GRIK2: variants seen among roughly 807,000 people sequenced by gnomAD.
The protein encoded by GRIK2 is glutamate receptor ionotropic, kainate 2.
A neutral mutation model predicts 100.3 loss-of-function variants in GRIK2; 32 were observed. The ratio of observed to expected loss-of-function variants is 0.32; its 90% CI spans 0.24 to 0.43. The LOEUF (loss-of-function observed/expected upper bound fraction) is 0.43. Among genes scored for constraint, GRIK2 ranks in the 20% least tolerant of loss-of-function variants. GRIK2 has a pLI of 1.00. For synonymous variants in GRIK2, 417 were observed against 389.4 expected, an observed-to-expected ratio of 1.07 and a Z score of -0.83; for missense variants, 843 against 1,114.9, an observed-to-expected ratio of 0.76 and a Z score of 3.47.
intron 14 of GRIK2, among the ~76,000 whole-genome samples, chr6:102,020,916 T>C (rs112232117): frequency 7.2e-5 from 11 of 151,880 alleles, no homozygotes; most frequent in African/African-American, 2.6e-4. Context: ...AAATTTAAAA[T>C]AAAGTGACTA....
chr6:101,982,263 T>C (rs940989141), intron 14 of GRIK2, among the ~76,000 whole-genome samples: 9 of 151,938 alleles, frequency 5.9e-5, no homozygotes, highest in African/African-American at 2.2e-4. Context: ...GTAATTTTCA[T>C]GTCTGTCTCC....
intron 2 of GRIK2, among the ~76,000 whole-genome samples, chr6:101,494,701 T>A (rs886946603): frequency 1.3e-5 from 2 of 150,138 alleles, no homozygotes; most frequent in Non-Finnish European, 3.0e-5. Flanking sequence ...GAGGCCAAGG[T>A]GAGCAGATCG....
chr6:102,006,390 A>ATATATATATAT (rs1315524835), intron 14 of GRIK2, among the ~76,000 whole-genome samples: 16 of 114,102 alleles, frequency 1.4e-4, no homozygotes, highest in African/African-American at 5.9e-4. Flanking sequence ...ATATATATAT[A>ATATATATATAT]TTTTTTTTTT....
chr6:101,723,034 T>C (rs1318902524), intron 7 of GRIK2, among the ~76,000 whole-genome samples: 1 of 152,050 alleles, frequency 6.6e-6, no homozygotes, highest in Non-Finnish European at 1.5e-5. Flanking sequence ...AAAGTTGTGC[T>C]TAGTCATGCC....
chr6:101,633,742 C>T (rs1327549800), intron 4 of GRIK2, among the ~76,000 whole-genome samples: 1 of 152,082 alleles, frequency 6.6e-6, no homozygotes, highest in Non-Finnish European at 1.5e-5. Flanking sequence ...TCTACAAATA[C>T]ACATACACAT....
chr6:101,486,371 G>T (rs1772826917), intron 2 of GRIK2, among the ~76,000 whole-genome samples: 1 of 127,776 alleles, frequency 7.8e-6, no homozygotes, highest in Admixed American at 8.0e-5. Flanking sequence ...CAGCAGGTAA[G>T]GTTGCATGAG....
chr6:101,808,074 T>C (rs1583189300), intron 9 of GRIK2, among the ~76,000 whole-genome samples: 2 of 152,196 alleles, frequency 1.3e-5, no homozygotes, highest in East Asian at 1.9e-4. Flanking sequence ...TTATCCTTAT[T>C]GTTCCATCAC....
chr6:101,693,883 T>A (rs1211978132), intron 7 of GRIK2, among the ~76,000 whole-genome samples: 2 of 151,968 alleles, frequency 1.3e-5, no homozygotes, highest in African/African-American at 4.8e-5. Context: ...TATTTTGGGG[T>A]GGCATATCCT....
At chr6:101,406,219 A>ATT (rs145136925) in intron 2 of GRIK2, among the ~76,000 whole-genome samples, 1,581 of 150,552 alleles carry the variant, frequency 0.011, 34 homozygotes, top group African/African-American at 0.037. Flanking sequence ...TTTCTGCAGG[A>ATT]TTTTTTTTTT....
At chr6:101,506,349 C>T (rs1774026534) in intron 2 of GRIK2, among the ~76,000 whole-genome samples, 1 of 152,036 alleles carries the variant, frequency 6.6e-6, no homozygotes, top group Non-Finnish European at 1.5e-5. Flanking sequence ...AATCCATATC[C>T]TCCTCATTGC....
chr6:101,734,786 A>G (rs575582687), intron 7 of GRIK2, among the ~76,000 whole-genome samples: 1 of 152,310 alleles, frequency 6.6e-6, no homozygotes, highest in African/African-American at 2.4e-5. Context: ...TCTGATTACT[A>G]TTATTATTTT....
chr6:101,539,194 T>C lies in GRIK2; in HGVS notation c.116-82755T>C, dbSNP rs575032654. Among the ~76,000 whole-genome samples the C allele has an allele frequency of 3.0e-3, 456 of 151,862 alleles. 4 individuals are homozygous for C. Among genetic ancestry groups the C allele is most frequent in the Middle Eastern group, 6.8e-3 (2 of 294 alleles). ...GCTTCTGAAGGCCAGTTCACTTCTG[T>C]TGTAGATAGCAAATTTTACCTTTCA... is the stretch of plus-strand genomic sequence containing the variant. On this transcript the variant is annotated intron_variant, in intron 2 of 16. Transcript: ENST00000369134.
intron 12 of GRIK2, among the ~76,000 whole-genome samples, chr6:101,903,111 A>G (rs770006328): frequency 2.0e-5 from 3 of 151,896 alleles, no homozygotes. Context: ...AGAAAGAGCA[A>G]CCTGCAAAAG....
At chr6:101,931,600 A>T (rs1790290391) in intron 14 of GRIK2, among the ~76,000 whole-genome samples, 1 of 152,096 alleles carries the variant, frequency 6.6e-6, no homozygotes, top group South Asian at 2.1e-4. Context: ...AAAGACCATG[A>T]TTGATTTTGT....
At chr6:102,018,739 T>C (rs1029478403) in intron 14 of GRIK2, among the ~76,000 whole-genome samples, 44 of 152,112 alleles carry the variant, frequency 2.9e-4, no homozygotes, top group African/African-American at 1.0e-3. Flanking sequence ...TGTTGACTCT[T>C]CAATTTGTTT....
At chr6:101,791,725 G>T (rs1036351508) in intron 7 of GRIK2, among the ~76,000 whole-genome samples, 9 of 151,958 alleles carry the variant, frequency 5.9e-5, no homozygotes, top group African/African-American at 1.5e-4. Flanking sequence ...TATTAGGTCC[G>T]CTTGGTGCAG....
intron 14 of GRIK2, among the ~76,000 whole-genome samples, chr6:101,937,838 G>C (rs1360970720): frequency 6.6e-6 from 1 of 151,998 alleles, no homozygotes; most frequent in East Asian, 1.9e-4. Flanking sequence ...TCATTTCTTA[G>C]ATAGCCCATT....
chr6:101,867,099 C>A (rs1161239196), intron 11 of GRIK2, among the ~76,000 whole-genome samples: 1 of 151,772 alleles, frequency 6.6e-6, no homozygotes, highest in Admixed American at 6.6e-5. Flanking sequence ...AGATTTAGTT[C>A]TTTCATCCAC....
At chr6:101,846,748 T>G (rs1783833290) in intron 10 of GRIK2, among the ~76,000 whole-genome samples, 1 of 152,092 alleles carries the variant, frequency 6.6e-6, no homozygotes, top group Non-Finnish European at 1.5e-5. Context: ...TAGCAGTGTC[T>G]CTGTAGAAAT....
Sources: gnomAD v4.1 joint callset for allele counts (sites outside exome capture counted in the v4.1 genomes callset) on GRCh38, gnomAD v4.1.1 for gene constraint, MANE v1.5 for transcripts, NCBI Gene and HGNC (gene_info 2026-07-23, HGNC 2026-07-21) for gene names.